CDH2: variants seen among roughly 807,000 people sequenced by gnomAD.
The protein encoded by CDH2 is cadherin-2.
Under a neutral mutation model 92.0 loss-of-function variants are expected in CDH2, and 17 were observed. The ratio of observed to expected loss-of-function variants is 0.18; its 90% confidence interval spans 0.13 to 0.28. CDH2 has a LOEUF of 0.28. Ranked by LOEUF, CDH2 falls within the 10% of genes least tolerant of loss-of-function variation. The pLI is 1.00. For synonymous variants in CDH2, 419 were observed against 415.9 expected, an observed-to-expected ratio of 1.01 and a Z score of -0.09; for missense variants, 862 against 1,133.1, an observed-to-expected ratio of 0.76 and a Z score of 3.44.
chr18:28,077,634 T>C (rs1031862467), intron 2 of CDH2, among the ~76,000 whole-genome samples: 1 of 152,084 alleles, frequency 6.6e-6, no homozygotes, highest in Non-Finnish European at 1.5e-5. Context: ...CTCACGCCTG[T>C]AATCCCACCA....
chr18:28,058,831 A>G (rs1429566529), intron 2 of CDH2, among the ~76,000 whole-genome samples: 3 of 152,214 alleles, frequency 2.0e-5, no homozygotes, highest in African/African-American at 7.2e-5. Flanking sequence ...CCAGTCATGG[A>G]ACGCTAGATT....
At chr18:28,098,765 G>T (rs1051666041) in intron 2 of CDH2, among the ~76,000 whole-genome samples, 3 of 152,120 alleles carry the variant, frequency 2.0e-5, no homozygotes, top group Admixed American at 1.3e-4. Flanking sequence ...GACTGAAATA[G>T]TAAGGCAGAG....
At chr18:28,097,555 AT>A (rs2015157190) in intron 2 of CDH2, among the ~76,000 whole-genome samples, 1 of 152,188 alleles carries the variant, frequency 6.6e-6, no homozygotes, top group African/African-American at 2.4e-5. Flanking sequence ...CTAACAAAAA[AT>A]ATTTGAAAAA....
chr18:28,026,030 C>T (rs1367814675), intron 2 of CDH2, among the ~76,000 whole-genome samples: 1 of 151,978 alleles, frequency 6.6e-6, no homozygotes, highest in Admixed American at 6.6e-5. Context: ...ATGAAGTCAC[C>T]AATAAGTATT....
At chr18:27,994,994 C>G (rs374054462) in intron 7 of CDH2, among the ~76,000 whole-genome samples, 103 of 152,152 alleles carry the variant, frequency 6.8e-4, no homozygotes, top group African/African-American at 2.5e-3. Flanking sequence ...TTTTTCTTAA[C>G]CCACAGTACC....
intron 15 of CDH2, among the ~76,000 whole-genome samples, chr18:27,963,078 A>C (rs191074485): frequency 4.6e-4 from 70 of 152,254 alleles, no homozygotes; most frequent in Admixed American, 1.2e-3. Context: ...TAGGAAAAAA[A>C]ATCCTTCTCG....
Position 27,952,096 on chromosome 18 carries a change from T to A in CDH2, c.*57A>T. On this transcript the variant is annotated 3_prime_UTR_variant, in exon 16 of 16. Transcript: ENST00000269141. ...TAAAGCCTAGCTTCTGAATGCTTTT[T>A]GGGAATATCAGTTGAAATTGTTTGT... is the stretch of plus-strand genomic sequence containing the variant. 7.1e-7 allele frequency: 1 copy of A among 1,415,254 alleles called. No individual in the cohort carries two copies. Among genetic ancestry groups the A allele is most frequent in the Admixed American group, 1.7e-5 (1 of 59,604 alleles). The allele number at this position is 1,415,254 out of a possible 1,614,324, so 87.7% of individuals were successfully genotyped here.
chr18:28,098,878 T>C (rs566905790), intron 2 of CDH2, among the ~76,000 whole-genome samples: 3 of 152,252 alleles, frequency 2.0e-5, no homozygotes, highest in South Asian at 2.1e-4. Flanking sequence ...GCTATGTACA[T>C]TAATTGGGGG....
At chr18:27,972,935 G>A (rs1434875970) in intron 14 of CDH2, among the ~76,000 whole-genome samples, 1 of 152,162 alleles carries the variant, frequency 6.6e-6, no homozygotes, top group Non-Finnish European at 1.5e-5. Context: ...GAATCTTGAT[G>A]GCTAAACAGA....
intron 8 of CDH2, 70 bp from the exon 9 acceptor site, chr18:27,992,910 A>T: frequency 8.8e-7 from 1 of 1,140,846 alleles, no homozygotes; most frequent in Non-Finnish European, 1.3e-6. Flanking sequence ...CTTGATGACC[A>T]CACCGTCCGA....
At chr18:27,946,104 A>G (rs559933239), downstream of CDH2, among the ~76,000 whole-genome samples, 5 of 152,338 alleles carry the variant, frequency 3.3e-5, no homozygotes, top group Non-Finnish European at 5.9e-5. Context: ...TTTTAAGCAC[A>G]TATCATCATG....
intron 2 of CDH2, among the ~76,000 whole-genome samples, chr18:28,038,522 C>T (rs1044321246): frequency 1.3e-5 from 2 of 151,652 alleles, no homozygotes; most frequent in African/African-American, 4.8e-5. Flanking sequence ...TAAACTACCC[C>T]AAAGGCCTTA....
downstream of CDH2, among the ~76,000 whole-genome samples, chr18:27,947,800 G>GATATAAGTAT (rs1909312369): frequency 1.3e-5 from 2 of 149,726 alleles, no homozygotes; most frequent in Admixed American, 1.3e-4. Flanking sequence ...AAGTATATGT[G>GATATAAGTAT]ATGTAAGTAT....
intron 14 of CDH2, among the ~76,000 whole-genome samples, chr18:27,981,623 CT>C (rs1322606864): frequency 2.0e-5 from 3 of 152,048 alleles, no homozygotes; most frequent in Non-Finnish European, 4.4e-5. Context: ...ATGGAAAACT[CT>C]AAGGGGCTGC....
rs540872725 is a variant in CDH2, at chr18:28,035,429, C to T, written c.173-21520G>A. On this transcript the variant is annotated intron_variant, in intron 2 of 15. Coordinates refer to ENST00000269141, the MANE Select transcript of CDH2 (RefSeq NM_001792.5). ...ATTGTTTCTCTTGGTGTTTTCAAAC[C>T]CCTTGATGTTTGGCGAATTTTTACA... Among the ~76,000 whole-genome samples, 14 of 151,956 alleles carry T rather than the reference C, an allele frequency of 9.2e-5. No homozygotes were observed. In the South Asian group the frequency reaches 2.9e-3, roughly 32 times the overall value.
chr18:28,005,740 A>C, intron 6 of CDH2, 109 bp downstream of exon 6: 1 of 680,176 alleles, frequency 1.5e-6, no homozygotes, highest in South Asian at 3.8e-5. Flanking sequence ...GAATGAAAGA[A>C]AAGGATCCAA....
chr18:28,029,895 C>T (rs1330015562), intron 2 of CDH2, among the ~76,000 whole-genome samples: 1 of 152,108 alleles, frequency 6.6e-6, no homozygotes, highest in African/African-American at 2.4e-5. Context: ...AGAATTTTCA[C>T]ATTTAATTCT....
At chr18:28,149,270 T>C (rs2016085315) in intron 1 of CDH2, among the ~76,000 whole-genome samples, 1 of 152,182 alleles carries the variant, frequency 6.6e-6, no homozygotes, top group African/African-American at 2.4e-5. Context: ...AGAGATTCTG[T>C]ACATGTCCAT....
At chr18:28,159,567 A>T (rs2016273778) in intron 1 of CDH2, among the ~76,000 whole-genome samples, 1 of 152,026 alleles carries the variant, frequency 6.6e-6, no homozygotes, top group Non-Finnish European at 1.5e-5. Flanking sequence ...ATAAAAAAGG[A>T]GTCCAATGTA....
Sources: gnomAD v4.1 joint callset for allele counts (sites outside exome capture counted in the v4.1 genomes callset) on GRCh38, gnomAD v4.1.1 for gene constraint, MANE v1.5 for transcripts, NCBI Gene and HGNC (gene_info 2026-07-23, HGNC 2026-07-21) for gene names.